HK3: variants seen among roughly 807,000 people sequenced by gnomAD.
HK3 encodes the protein hexokinase-3.
A neutral mutation model predicts 91.0 loss-of-function variants in HK3; 93 were observed. The observed-to-expected ratio is 1.02, with a 90% CI of 0.86 to 1.21. The LOEUF (loss-of-function observed/expected upper bound fraction) is 1.21, where lower values mean the gene tolerates loss of function less well. Ranked by LOEUF, HK3 falls within the 50% of genes most tolerant of loss-of-function variation. The probability of loss-of-function intolerance (pLI) is 0.00; values close to 1 mark genes in which losing one functional copy is unlikely to be tolerated. For missense variants in HK3, 1,235 were observed against 1,247.4 expected (o/e 0.99, Z 0.15); for synonymous variants, 519 against 516.9 (o/e 1.00, Z -0.06).
In HK3 at chr5:176,884,948, T is replaced by G. The variant is rs903889314; in HGVS notation, c.1858-814A>C. Among the ~76,000 whole-genome samples, 3 of 152,192 alleles carry G rather than the reference T, an allele frequency of 2.0e-5. No individual in the cohort carries two copies. Among genetic ancestry groups the G allele is most frequent in the African/African-American group, 7.2e-5 (3 of 41,442 alleles). On this transcript the variant is annotated intron_variant, in intron 13 of 18. Coordinates refer to ENST00000292432, the MANE Select transcript of HK3 (RefSeq NM_002115.3). The surrounding 1 kb of genome is among the most constrained non-coding windows in gnomAD (Gnocchi z 4.1). ...AATAATATGTCCTTTTATCCCGTTT[T>G]TTATTGTCCTAGGCTCATTGTCTCA...
chr5:176,881,332 AC>A lies in HK3; in HGVS notation c.2596del (p.Val866TrpfsTer55), dbSNP rs746841412. 2.5e-6 allele frequency: 4 copies of A among 1,613,138 alleles called. No homozygotes were observed. The highest frequency in any genetic ancestry group is 3.4e-6 in the Non-Finnish European group (4 of 1,179,796). ...GTGCAGCTTGTAGAGCGTTCCATCC[AC>A]CCCCACAGACACTGCCAGCTCTTCC... ...GLEELAVSVG[V>X]DGTLYKLHPR... On this transcript the variant is annotated frameshift_variant, in exon 18 of 19. Transcript: ENST00000292432. LOFTEE classifies it high-confidence loss of function.
chr5:176,881,360 G>A lies in HK3; in HGVS notation c.2569C>T (p.Leu857=), dbSNP rs1167274051. 6 of 1,613,914 alleles carry A rather than the reference G, an allele frequency of 3.7e-6. No homozygotes were observed. Among genetic ancestry groups the A allele is most frequent in the Non-Finnish European group, 3.4e-6 (4 of 1,180,038 alleles). Residue 857 remains leucine, a synonymous_variant, in exon 18 of 19, where the codon CTG becomes TTG. Coordinates refer to ENST00000292432, the MANE Select transcript of HK3 (RefSeq NM_002115.3). The part of the protein sequence containing the change: ...VVEKIRENRG[L]EELAVSVGVD... The stretch of plus-strand genomic sequence containing the variant: ...CCCACAGACACTGCCAGCTCTTCCA[G>A]GCCCCGGTTCTCCCGGATCTTCTCC...
intron 6 of HK3, 48 bp from the exon 7 acceptor site, chr5:176,889,792 G>T (rs1165146991): frequency 6.5e-7 from 1 of 1,541,516 alleles, no homozygotes. Context: ...AGTGGCCAGA[G>T]GAGGGAATCC....
chr5:176,892,523 C>T (rs1175234215), intron 2 of HK3, among the ~76,000 whole-genome samples: 3 of 152,024 alleles, frequency 2.0e-5, no homozygotes, highest in Non-Finnish European at 2.9e-5. Flanking sequence ...GGACCTCATC[C>T]CTGTGAGCAA....
intron 2 of HK3, among the ~76,000 whole-genome samples, chr5:176,893,013 AAGCCAAGCTGC>A (rs1325167336): frequency 4.1e-4 from 63 of 152,348 alleles, no homozygotes; most frequent in African/African-American, 1.5e-3. Flanking sequence ...AGAGAAGCTG[AAGCCAAGCTGC>A]AGACCCTGTT....
In HK3 at chr5:176,888,433, G is replaced by GGCAGCACAGAGCTGGGCA. The variant is rs962587028; in HGVS notation, c.1185_1202dup (p.Gln397_Ala402dup). On this transcript the variant is annotated inframe_insertion, in exon 10 of 19. Transcript: ENST00000292432. ...GGCAGGAGAGAACAGCGGCCAGGGCGGCAGCACAGAGCTGGGCAGCCCGCG... is the reference window on the plus strand; with the variant it reads ...GGCAGGAGAGAACAGCGGCCAGGGCGGCAGCACAGAGCTGGGCAGCAGCACAGAGCTGGGCAGCCCGCG... The GGCAGCACAGAGCTGGGCA allele has an allele frequency of 1.9e-6, 3 of 1,559,606 alleles. No homozygotes were observed. The African/African-American group carries it at 4.1e-5, about 21-fold the overall frequency.
rs558470968 is a variant in HK3, at chr5:176,890,239, C to T, written c.630+396G>A. 4.6e-5 allele frequency among the ~76,000 whole-genome samples: 7 copies of T among 152,322 alleles called. No homozygotes were observed. The South Asian group carries it at 8.3e-4, about 18-fold the overall frequency. On this transcript the variant is annotated intron_variant, in intron 6 of 18. Coordinates refer to ENST00000292432, the MANE Select transcript of HK3 (RefSeq NM_002115.3). ...CCAGCCTGACTTGAAGGGAGGCAAA[C>T]TCCTCCTTCAAGCCCCTGATCAAAG...
At chr5:176,897,599 C>G (rs1039920730) in intron 1 of HK3, among the ~76,000 whole-genome samples, 2 of 152,204 alleles carry the variant, frequency 1.3e-5, no homozygotes, top group African/African-American at 4.8e-5. Context: ...ACCTCTGCTG[C>G]CCTCTCTCAG....
intron 15 of HK3, among the ~76,000 whole-genome samples, chr5:176,882,942 A>G (rs554228169): frequency 6.6e-6 from 1 of 152,268 alleles, no homozygotes; most frequent in South Asian, 2.1e-4. Context: ...CTCCCCCTCA[A>G]GAGAGGCTGC....
chr5:176,885,072 G>A (rs1758547036), intron 13 of HK3, among the ~76,000 whole-genome samples: 1 of 152,210 alleles, frequency 6.6e-6, no homozygotes, highest in Non-Finnish European at 1.5e-5. Context: ...TCTCCCTAGA[G>A]TGGGGAAGGG....
chr5:176,888,948 G>A, intron 8 of HK3, 84 bp from the exon 9 acceptor site: 1 of 1,470,602 alleles, frequency 6.8e-7, no homozygotes, highest in South Asian at 1.3e-5. Context: ...CCCAAAGAAG[G>A]ATTCTTTTCT....
intron 8 of HK3, 142 bp downstream of exon 8, chr5:176,889,239 A>C: frequency 1.1e-6 from 1 of 914,974 alleles, no homozygotes; most frequent in Non-Finnish European, 1.7e-6. Flanking sequence ...GAACCTGGCC[A>C]GGGCCCCCAG....
At chr5:176,886,580 C>T (rs959029595) in intron 13 of HK3, among the ~76,000 whole-genome samples, 1 of 151,902 alleles carries the variant, frequency 6.6e-6, no homozygotes, top group Non-Finnish European at 1.5e-5. Flanking sequence ...GCCTGGCACT[C>T]TGCCACCCTA....
In HK3 at chr5:176,888,122, C is replaced by T. The variant is rs140785991; in HGVS notation, c.1304+210G>A. Among the ~76,000 whole-genome samples, 296 of 152,306 alleles carry T rather than the reference C, an allele frequency of 1.9e-3. 1 individual carries two copies. The highest frequency in any genetic ancestry group is 3.1e-3 in the Non-Finnish European group (208 of 68,020). ...GCACCAGCCATACGCCCCCGTGTCG[C>T]CATGGCCTCCACCCTTGCACACACA... On this transcript the variant is annotated intron_variant, in intron 10 of 18. Coordinates refer to ENST00000292432, the MANE Select transcript of HK3 (RefSeq NM_002115.3).
intron 17 of HK3, 54 bp downstream of exon 17, chr5:176,881,638 A>G: frequency 6.2e-7 from 1 of 1,607,184 alleles, no homozygotes; most frequent in Admixed American, 1.7e-5. Context: ...GCAATCCCCC[A>G]CAGTGGACAG....
intron 2 of HK3, among the ~76,000 whole-genome samples, chr5:176,895,369 G>A (rs1035752565): frequency 3.9e-5 from 6 of 152,176 alleles, no homozygotes; most frequent in Non-Finnish European, 4.4e-5. Context: ...GAGCCACCGC[G>A]CCCGGCCATA....
In HK3 at chr5:176,888,739, A is replaced by G. The variant is rs200824570; in HGVS notation, c.1040T>C (p.Ile347Thr). 61 of 1,614,078 alleles carry G rather than the reference A, an allele frequency of 3.8e-5. No individual in the cohort carries two copies. The highest frequency in any genetic ancestry group is 4.6e-5 in the Non-Finnish European group (54 of 1,180,044). ...CATCTCAGCCACGTGTTCCAGGAGG[A>G]TGCTGCCTTGGCTCAGCAGGGCAGG... is the stretch of plus-strand genomic sequence containing the variant. The part of the protein sequence containing the change: ...TSPALLSQGS[I>T]LLEHVAEMED... The change falls in exon 9 of 19, where the codon ATC (isoleucine) becomes ACC (threonine). Residue 347 changes from isoleucine (I) to threonine (T), a missense_variant. Coordinates refer to ENST00000292432, the MANE Select transcript of HK3 (RefSeq NM_002115.3).
At chr5:176,896,004 G>T in intron 2 of HK3, 60 bp downstream of exon 2, 1 of 1,417,390 alleles carries the variant, frequency 7.1e-7, no homozygotes, top group Non-Finnish European at 1.0e-6. Context: ...GGCAGCTTCA[G>T]TCACGCTGCT....
chr5:176,881,133 G>A lies in HK3; in HGVS notation c.2712C>T (p.Gly904=). ...VTFLQSEDGS[G]KGAALVTAVA... is the part of the protein sequence containing the mutation. ...CAGCGGTGACCAGGGCCGCACCTTT[G>A]CCGGACCCATCCTCTGACTGCAGGA... The change falls in exon 19 of 19, where the codon GGC becomes GGT. Residue 904 remains glycine, a synonymous_variant. Transcript: ENST00000292432. 6.2e-7 allele frequency: 1 copy of A among 1,612,990 alleles called. No homozygotes were observed. Among genetic ancestry groups the A allele is most frequent in the Non-Finnish European group, 8.5e-7 (1 of 1,179,912 alleles).
Sources: allele counts gnomAD v4.1 joint callset (sites outside exome capture counted in the v4.1 genomes callset), GRCh38; gene constraint gnomAD v4.1.1; non-coding constraint Gnocchi (gnomAD v3.1); transcripts MANE v1.5; gene names NCBI Gene and HGNC (gene_info 2026-07-23, HGNC 2026-07-21).